The following FAM178B variants were observed in gnomAD, a reference collection of about 807,000 sequenced individuals.
FAM178B encodes protein FAM178B.
FAM178B carries 82 observed loss-of-function variants against 91.7 expected under a neutral mutation model. The ratio of observed to expected loss-of-function variants is 0.89; its 90% CI spans 0.75 to 1.07. FAM178B has a LOEUF of 1.07. FAM178B is among the 50% of genes least tolerant of loss of function. FAM178B has a pLI of 0.00. For missense variants in FAM178B, 769 were observed against 846.7 expected (o/e 0.91, Z 1.14); for synonymous variants, 368 against 359.4 (o/e 1.02, Z -0.27).
chr2:96,971,189 C>G lies in FAM178B; in HGVS notation c.565-412G>C, dbSNP rs550308844. ...TCAAAGCCAAAGAGCTTCTCTCCCC[C>G]TCCCTATCTGCTCCCTTTCCCACTG... On this transcript the variant is annotated intron_variant, in intron 3 of 16. Coordinates refer to ENST00000490605, the MANE Select transcript of FAM178B (RefSeq NM_001122646.3). Among the ~76,000 whole-genome samples the G allele has an allele frequency of 9.2e-4, 139 of 151,514 alleles. 2 individuals are homozygous for G. The highest frequency in any genetic ancestry group is 3.2e-3 in the African/African-American group (132 of 41,264).
At position 96,952,832 on chromosome 2, in the gene FAM178B, G is replaced by GT. The variant is rs1239007632; in HGVS notation, c.888-1349dup. ...GGAAATGAAAACGTAAGTCACATTT[G>GT]TTCTTCTTTTTAATGGCCCAAATGC... is the stretch of plus-strand genomic sequence containing the variant. On this transcript the variant is annotated intron_variant, in intron 6 of 16. Transcript: ENST00000490605. Among the ~76,000 whole-genome samples the GT allele has an allele frequency of 5.9e-5, 9 of 152,172 alleles. No individual in the cohort carries two copies. In the East Asian group the frequency reaches 7.7e-4, roughly 13 times the overall value.
At position 96,960,398 on chromosome 2, in the gene FAM178B, C is replaced by T. The variant is rs1257030044; in HGVS notation, c.777G>A (p.Pro259=). ...ACACAGTCTCACCTGGATGGACCGG[C>T]GGGATGGTCTGCAGGGACACTGAGT... is the stretch of plus-strand genomic sequence containing the variant. ...EKYSVSLQTI[P]PVHPGETVFL... Residue 259 remains proline, a synonymous_variant, in exon 6 of 17, where the codon CCG becomes CCA. Transcript: ENST00000490605. 5 of 1,551,516 alleles carry T rather than the reference C, an allele frequency of 3.2e-6. No homozygotes were observed. The highest frequency in any genetic ancestry group is 1.4e-5 in the African/African-American group (1 of 73,158).
At chr2:96,919,539 G>A (rs1209145720) in intron 12 of FAM178B, among the ~76,000 whole-genome samples, 1 of 152,242 alleles carries the variant, frequency 6.6e-6, no homozygotes, top group Non-Finnish European at 1.5e-5. Flanking sequence ...AAGGCAGAAA[G>A]GACAGGATTT....
At chr2:96,904,189 ACAG>A (rs956817852) in intron 12 of FAM178B, among the ~76,000 whole-genome samples, 1 of 151,878 alleles carries the variant, frequency 6.6e-6, no homozygotes, top group African/African-American at 2.4e-5. Context: ...GAAGGTTTGC[ACAG>A]CAGCAGCAGC....
At chr2:96,965,007 C>CTTTTAT (rs1450757150) in intron 5 of FAM178B, among the ~76,000 whole-genome samples, 3 of 152,096 alleles carry the variant, frequency 2.0e-5, no homozygotes, top group Non-Finnish European at 2.9e-5. Flanking sequence ...TTATTATTTA[C>CTTTTAT]TTTTATTTTT....
At position 96,893,999 on chromosome 2, in the gene FAM178B, T is replaced by C; in HGVS notation, c.1703A>G (p.Gln568Arg). ...TGGCAAGGGCACAGAGTCCAGGTAT[T>C]GCCTGAGAGATGATGGCCTCATGAG... ...LGLMRPSSLR[Q>R]YLDSVPLPPC... is the part of the protein sequence containing the mutation. The change falls in exon 14 of 17, where the codon CAA becomes CGA. Residue 568 changes from glutamine (Q) to arginine (R), a missense_variant. Gln to Arg is a conservative substitution (Grantham distance 43). Transcript: ENST00000490605. 6.2e-7 allele frequency: 1 copy of C among 1,612,746 alleles called. No homozygotes were observed. Among genetic ancestry groups the C allele is most frequent in the Non-Finnish European group, 8.5e-7 (1 of 1,179,622 alleles).
chr2:96,920,533 G>A (rs975220904), intron 12 of FAM178B, among the ~76,000 whole-genome samples: 2 of 152,110 alleles, frequency 1.3e-5, no homozygotes, highest in Non-Finnish European at 2.9e-5. Flanking sequence ...CCAGAAGGTG[G>A]AGCTTGCAGC....
intron 8 of FAM178B, among the ~76,000 whole-genome samples, chr2:96,933,752 T>C (rs909787267): frequency 1.1e-4 from 17 of 152,142 alleles, no homozygotes; most frequent in African/African-American, 4.1e-4. Flanking sequence ...GCCTGAGTTC[T>C]AGTTCCCTGA....
At chr2:96,964,796 A>G (rs186558727) in intron 5 of FAM178B, among the ~76,000 whole-genome samples, 176 of 152,204 alleles carry the variant, frequency 1.2e-3, no homozygotes, top group African/African-American at 4.0e-3. Context: ...GCTCCTGTGC[A>G]GGGCACTGTG....
chr2:96,898,106 C>T, intron 13 of FAM178B: 2 of 985,758 alleles, frequency 2.0e-6, no homozygotes, highest in Non-Finnish European at 2.4e-6. Context: ...TCCTCTGCTC[C>T]TACACCAGTC....
At chr2:96,926,862 A>C (rs1339913546) in intron 9 of FAM178B, among the ~76,000 whole-genome samples, 3 of 152,190 alleles carry the variant, frequency 2.0e-5, no homozygotes, top group Non-Finnish European at 1.5e-5. Context: ...GGGGACATGC[A>C]CAGATGTCTG....
At chr2:96,884,509 C>T (rs187078304) in intron 14 of FAM178B, among the ~76,000 whole-genome samples, 4 of 152,308 alleles carry the variant, frequency 2.6e-5, no homozygotes, top group East Asian at 1.9e-4. Context: ...GGCACAACAG[C>T]GATGAATCAT....
At chr2:96,970,127 C>T (rs963558477) in intron 4 of FAM178B, among the ~76,000 whole-genome samples, 1 of 152,232 alleles carries the variant, frequency 6.6e-6, no homozygotes, top group African/African-American at 2.4e-5. Flanking sequence ...CCCCAGCCAC[C>T]TGCACCTCCC....
chr2:96,955,816 A>C (rs1201649920), intron 6 of FAM178B, among the ~76,000 whole-genome samples: 1 of 152,182 alleles, frequency 6.6e-6, no homozygotes, highest in Non-Finnish European at 1.5e-5. Flanking sequence ...AGCCCTCTCC[A>C]TACTTCAGAA....
rs191621579 is a variant in FAM178B at position 96,969,210 on chromosome 2, G to A, written c.626+1506C>T. On this transcript the variant is annotated intron_variant, in intron 4 of 16. Transcript: ENST00000490605. The stretch of plus-strand genomic sequence containing the variant: ...ATGGTGCAGCACACAGCGTCCTATG[G>A]ACTAAATGTCTGTGTCTTCCCAGAA... Among the ~76,000 whole-genome samples the A allele has an allele frequency of 4.3e-4, 65 of 152,300 alleles. No individual in the cohort carries two copies. In the East Asian group the frequency reaches 0.013, roughly 29 times the overall value.
Position 96,923,805 on chromosome 2 carries a change from G to A in FAM178B, c.1194-222C>T, listed in dbSNP as rs72942936. On this transcript the variant is annotated intron_variant, in intron 9 of 16. Transcript: ENST00000490605. ...GTCTCTCGGATGTTGCCCTCAAGAT[G>A]TTGGGTGGGGCTGCGGTCACCTGAG... Among the ~76,000 whole-genome samples, 1,321 of 152,340 alleles carry A rather than the reference G, an allele frequency of 8.7e-3. 18 individuals are homozygous for A. The highest frequency in any genetic ancestry group is 0.03 in the African/African-American group (1,240 of 41,568).
intron 7 of FAM178B, among the ~76,000 whole-genome samples, chr2:96,949,199 C>T (rs1257022): frequency 0.49 from 74,335 of 152,014 alleles, 22,340 homozygotes; most frequent in Non-Finnish European, 0.69. Flanking sequence ...TACACGGGAT[C>T]GAGTCCCTGA....
chr2:96,928,976 C>CT (rs2081494616), intron 9 of FAM178B, among the ~76,000 whole-genome samples: 1 of 101,850 alleles, frequency 9.8e-6, no homozygotes, highest in South Asian at 2.5e-4. Flanking sequence ...GTAGGGAGAC[C>CT]CCCCCCCGCC....
At chr2:96,963,008 C>G (rs1343644383) in intron 5 of FAM178B, among the ~76,000 whole-genome samples, 1 of 152,212 alleles carries the variant, frequency 6.6e-6, no homozygotes, top group Non-Finnish European at 1.5e-5. Flanking sequence ...ACATCAAAAC[C>G]ACCACCTCAA....
Sources: allele counts gnomAD v4.1 joint callset (sites outside exome capture counted in the v4.1 genomes callset), GRCh38; gene constraint gnomAD v4.1.1; transcripts MANE v1.5; gene names NCBI Gene and HGNC (gene_info 2026-07-23, HGNC 2026-07-21).